The following MPP2 variants were observed in gnomAD, a reference collection of about 807,000 sequenced individuals.
MPP2 encodes MAGUK p55 subfamily member 2.
A neutral mutation model predicts 58.5 loss-of-function variants in MPP2; 42 were observed. That is an observed-to-expected ratio of 0.72 (90% CI 0.56 to 0.93). The LOEUF (loss-of-function observed/expected upper bound fraction) is 0.93. MPP2 is among the 40% of genes least tolerant of loss of function. The pLI is 0.00. For synonymous variants in MPP2, 300 were observed against 307.8 expected, an observed-to-expected ratio of 0.97 and a Z score of 0.26; for missense variants, 632 against 760.4, an observed-to-expected ratio of 0.83 and a Z score of 1.99.
At chr17:43,894,111 A>AT (rs1166039489) in intron 3 of MPP2, among the ~76,000 whole-genome samples, 7 of 113,074 alleles carry the variant, frequency 6.2e-5, no homozygotes. Flanking sequence ...TGTCTCTACT[A>AT]AAAAAAAAAA....
chr17:43,879,913 C>G lies in MPP2; in HGVS notation c.1222G>C (p.Glu408Gln). ...TAGCGCCCAGCACGGACGTCAGCCT[C>G]CATCTCCCCACGGGACACAAAGCTG... ...GYSFVSRGEM[E>Q]ADVRAGRYLE... Residue 408 changes from glutamate (E) to glutamine (Q), a missense_variant, in exon 11 of 13, where the codon GAG becomes CAG. Glu to Gln is a conservative substitution (Grantham distance 29). Coordinates refer to ENST00000269095, the MANE Select transcript of MPP2 (RefSeq NM_005374.5). The surrounding 1 kb of genome is among the most constrained non-coding windows in gnomAD (Gnocchi z 4.1). 5.0e-6 allele frequency: 8 copies of G among 1,614,102 alleles called. No homozygotes were observed. Among genetic ancestry groups the G allele is most frequent in the Non-Finnish European group, 6.8e-6 (8 of 1,179,996 alleles).
intron 5 of MPP2, among the ~76,000 whole-genome samples, 173 bp from the exon 6 acceptor site, chr17:43,882,684 G>A (rs1000596673): frequency 6.6e-6 from 1 of 151,402 alleles, no homozygotes; most frequent in African/African-American, 2.4e-5. Flanking sequence ...CTAATGAGGG[G>A]AGAGGTGGGC....
Position 43,879,095 on chromosome 17 carries a change from T to C in MPP2, c.1482+180A>G, listed in dbSNP as rs12944852. ...CCTGGCTCACTCTGAGACTTTGGAC[T>C]TCCTCTCTCAGACCTCCCCTTCCAC... On this transcript the variant is annotated intron_variant, in intron 12 of 12. Transcript: ENST00000269095. The surrounding 1 kb of genome is among the most constrained non-coding windows in gnomAD (Gnocchi z 4.1). Among the ~76,000 whole-genome samples the C allele has an allele frequency of 6.6e-6, 1 of 152,126 alleles. No individual in the cohort carries two copies. The highest frequency in any genetic ancestry group is 1.5e-5 in the Non-Finnish European group (1 of 68,012).
chr17:43,887,637 A>C (rs1486825840), intron 3 of MPP2, among the ~76,000 whole-genome samples: 1 of 152,098 alleles, frequency 6.6e-6, no homozygotes, highest in Non-Finnish European at 1.5e-5. Flanking sequence ...CAGATGTTCC[A>C]ATACCATTTA....
rs1296932715 is a variant in MPP2, at chr17:43,903,578, T to C, written c.31+852A>G. ...GGTGCACACCTGTAGTCCCAGCTAC[T>C]TGGGAGGCTGAGGTGGGAGAATGAC... On this transcript the variant is annotated intron_variant, in intron 2 of 12. Transcript: ENST00000269095. Among the ~76,000 whole-genome samples, 4 of 152,142 alleles carry C rather than the reference T, an allele frequency of 2.6e-5. No individual in the cohort carries two copies. In the East Asian group the frequency reaches 7.7e-4, roughly 29 times the overall value.
chr17:43,881,974 C>T (rs1179978331), intron 6 of MPP2, among the ~76,000 whole-genome samples: 2 of 152,238 alleles, frequency 1.3e-5, no homozygotes, highest in Non-Finnish European at 2.9e-5. Flanking sequence ...CTATCCAGGA[C>T]ATATGACAAC....
At chr17:43,907,648 G>A (rs984780458), upstream of MPP2, 1 of 985,676 alleles carries the variant, frequency 1.0e-6, no homozygotes, top group Non-Finnish European at 1.2e-6. Flanking sequence ...CAACTCGGAG[G>A]AAGTAGTCTT....
intron 3 of MPP2, among the ~76,000 whole-genome samples, chr17:43,888,563 C>A (rs1214365100): frequency 6.6e-6 from 1 of 152,216 alleles, no homozygotes; most frequent in East Asian, 1.9e-4. Context: ...CCATGGCAAC[C>A]CTTGCATGGC....
chr17:43,902,825 G>A (rs774481997), intron 2 of MPP2, among the ~76,000 whole-genome samples: 20 of 152,190 alleles, frequency 1.3e-4, no homozygotes, highest in Non-Finnish European at 2.4e-4. Context: ...CCAGCTGCCC[G>A]GGCCTCAGAG....
rs757482087 is a variant in MPP2 at position 43,883,039 on chromosome 17, G to A, written c.317C>T (p.Thr106Met). Reference sequence around the variant, plus strand: ...GGTCTTTGAGGCCACAGAGTCGTGCGTCTCCAGGAGGGACTGGGGGGTGGT... The same window carrying A: ...GGTCTTTGAGGCCACAGAGTCGTGCATCTCCAGGAGGGACTGGGGGGTGGT... ...QEPHFQSLLE[T>M]HDSVASKTYE... Residue 106 changes from threonine (T) to methionine (M), a missense_variant, in exon 5 of 13, where the codon ACG (threonine) becomes ATG (methionine). Physicochemically the swap from Thr to Met is moderately conservative, Grantham distance 81. Transcript: ENST00000269095. The A allele has an allele frequency of 2.1e-5, 34 of 1,613,170 alleles. No individual in the cohort carries two copies. Among genetic ancestry groups the A allele is most frequent in the Admixed American group, 3.3e-5 (2 of 59,870 alleles).
rs756336242 is a variant in MPP2, at chr17:43,880,890, C to G, written c.989-38G>C. On this transcript the variant is annotated intron_variant, in intron 9 of 12. Transcript: ENST00000269095. This position sits in a 1 kb window ranked among gnomAD's most constrained non-coding sequence, Gnocchi z 5.2. Reference sequence around the variant, plus strand: ...AGATGGCGCTGCTCACCAGGCTGCACGGTGAGGGAGGGGCGGAGCTCTCAG... The same window carrying G: ...AGATGGCGCTGCTCACCAGGCTGCAGGGTGAGGGAGGGGCGGAGCTCTCAG... 13 of 1,574,736 alleles carry G rather than the reference C, an allele frequency of 8.3e-6. No individual in the cohort carries two copies. Among genetic ancestry groups the G allele is most frequent in the Non-Finnish European group, 1.1e-5 (13 of 1,157,826 alleles).
In MPP2 at chr17:43,879,401, C is replaced by T. The variant is rs1466960654; in HGVS notation, c.1356G>A (p.Ala452=). The change falls in exon 12 of 13, where the codon GCG becomes GCA. Residue 452 remains alanine, a splice_region_variant and synonymous_variant. Coordinates refer to ENST00000269095, the MANE Select transcript of MPP2 (RefSeq NM_005374.5). This position sits in a 1 kb window ranked among gnomAD's most constrained non-coding sequence, Gnocchi z 4.1. ...KVCVLDVNPQ[A]VKVLRTAEFV... ...ACTCGGCCGTTCGTAGCACCTTCAC[C>T]GCCTGCAGAAGGAGAAGGCAAGGTA... 26 of 1,613,994 alleles carry T rather than the reference C, an allele frequency of 1.6e-5. No homozygotes were observed. The highest frequency in any genetic ancestry group is 2.2e-5 in the South Asian group (2 of 91,076).
chr17:43,889,073 G>A (rs962413343), intron 3 of MPP2, among the ~76,000 whole-genome samples: 4 of 151,816 alleles, frequency 2.6e-5, no homozygotes, highest in East Asian at 1.9e-4. Context: ...CTACAGGCAC[G>A]CGCCACCACC....
At chr17:43,898,631 G>T (rs563197448) in intron 2 of MPP2, among the ~76,000 whole-genome samples, 1 of 152,314 alleles carries the variant, frequency 6.6e-6, no homozygotes, top group East Asian at 1.9e-4. Flanking sequence ...GAGCAGGTGG[G>T]AGGCTCCAGG....
At position 43,904,499 on chromosome 17, in the gene MPP2, G is replaced by C; in HGVS notation, c.-33-6C>G. ...AGGGCTCTGAAACGTCTCTCCTGGA[G>C]AGGGGAGAGAGGAGGATGAGCAGAT... On this transcript the variant is annotated splice_polypyrimidine_tract_variant and splice_region_variant and intron_variant, in intron 1 of 12. Transcript: ENST00000269095. The C allele has an allele frequency of 6.2e-7, 1 of 1,613,274 alleles. No homozygotes were observed.
chr17:43,909,476 T>C, upstream of MPP2: 1 of 1,050,984 alleles, frequency 9.5e-7, no homozygotes, highest in Non-Finnish European at 1.3e-6. Flanking sequence ...CTATTTGTAT[T>C]TTGGAAGAGG....
At chr17:43,881,407 C>G in intron 7 of MPP2, 51 bp downstream of exon 7, 1 of 1,613,876 alleles carries the variant, frequency 6.2e-7, no homozygotes, top group South Asian at 1.1e-5. Flanking sequence ...CCTGTGCCCT[C>G]GCCCTCCCAT....
chr17:43,881,611 G>C (rs958460876), intron 6 of MPP2, 22 bp from the exon 7 acceptor site: 1 of 1,611,062 alleles, frequency 6.2e-7, no homozygotes, highest in African/African-American at 1.3e-5. Context: ...AATCAGCAAA[G>C]GGTCGGGGGA....
chr17:43,901,355 G>T, intron 2 of MPP2: 1 of 985,466 alleles, frequency 1.0e-6, no homozygotes, highest in Non-Finnish European at 1.2e-6. Context: ...AGGGGATGAT[G>T]CCCAGGAAGC....
Sources: allele counts gnomAD v4.1 joint callset (sites outside exome capture counted in the v4.1 genomes callset), GRCh38; gene constraint gnomAD v4.1.1; non-coding constraint Gnocchi (gnomAD v3.1); transcripts MANE v1.5; gene names NCBI Gene and HGNC (gene_info 2026-07-23, HGNC 2026-07-21).